Variants in PICK1 observed in about 807,000 individuals in gnomAD.
PICK1 encodes the protein PRKCA-binding protein.
Under a neutral mutation model 48.9 loss-of-function variants are expected in PICK1, and 23 were observed. The observed-to-expected ratio is 0.47, with a 90% CI of 0.34 to 0.67. PICK1 has a LOEUF of 0.67. Among genes scored for constraint, PICK1 ranks in the 30% least tolerant of loss-of-function variants. PICK1 has a pLI of 0.01. For missense variants in PICK1, 423 were observed against 557.1 expected (o/e 0.76, Z 2.42); for synonymous variants, 217 against 228.2 (o/e 0.95, Z 0.44).
At chr22:38,058,714 C>G (rs549481479) in intron 2 of PICK1, among the ~76,000 whole-genome samples, 10 of 152,254 alleles carry the variant, frequency 6.6e-5, no homozygotes, top group Admixed American at 1.3e-4. Flanking sequence ...TTACCCAAGT[C>G]CCATAGCTGG....
Position 38,059,216 on chromosome 22 carries a change from G to C in PICK1, c.42-18G>C. 1.9e-6 allele frequency: 3 copies of C among 1,548,698 alleles called. No individual in the cohort carries two copies. The highest frequency in any genetic ancestry group is 2.6e-6 in the Non-Finnish European group (3 of 1,141,118). On this transcript the variant is annotated intron_variant, in intron 2 of 12. Coordinates refer to ENST00000356976, the MANE Select transcript of PICK1 (RefSeq NM_012407.4). The stretch of plus-strand genomic sequence containing the variant: ...TCCTTCTGCCAGGAGAGTCAGCCTA[G>C]CTTGCTTTCCTTTCTAGCGGAATCC...
intron 4 of PICK1, chr22:38,067,388 C>G (rs2085554874): frequency 2.8e-6 from 1 of 360,320 alleles, no homozygotes; most frequent in Non-Finnish European, 5.4e-6. Context: ...CAGCTCACTG[C>G]AACCTCCGCC....
rs1601960609 is a variant in PICK1 at position 38,074,173 on chromosome 22, T to C, written c.835-134T>C. ...TGGTTTTTTCCTCTCTTCAAAGCTA[T>C]CACTGAGTGCTTCTGAGAAACACTG... On this transcript the variant is annotated intron_variant, in intron 11 of 12. Coordinates refer to ENST00000356976, the MANE Select transcript of PICK1 (RefSeq NM_012407.4). The surrounding 1 kb of genome is among the most constrained non-coding windows in gnomAD (Gnocchi z 4.5). 3.5e-5 allele frequency: 38 copies of C among 1,094,810 alleles called. No individual in the cohort carries two copies. The highest frequency in any genetic ancestry group is 5.0e-5 in the Non-Finnish European group (37 of 744,548). 67.8% of individuals were successfully genotyped at this position (1,094,810 alleles called of 1,614,324 possible).
chr22:38,069,440 C>T (rs1046441436), intron 6 of PICK1, among the ~76,000 whole-genome samples: 1 of 152,226 alleles, frequency 6.6e-6, no homozygotes, highest in African/African-American at 2.4e-5. Context: ...CGGCCCACCT[C>T]CTGCCTCCTT....
chr22:38,072,451 GC>G, intron 8 of PICK1, 25 bp from the exon 9 acceptor site: 1 of 1,607,920 alleles, frequency 6.2e-7, no homozygotes, highest in Non-Finnish European at 8.5e-7. Context: ...AGTAGGGGCA[GC>G]CTTCAAGGCA....
chr22:38,074,861 C>A lies in PICK1; in HGVS notation c.980-3C>A, dbSNP rs991098116. ...CAGCCTGTCCCCCGACCTCCCACCCCAGTCCAGGACATCGTGTTCCAGCTG... is the reference window on the plus strand; with the variant it reads ...CAGCCTGTCCCCCGACCTCCCACCCAAGTCCAGGACATCGTGTTCCAGCTG... On this transcript the variant is annotated splice_polypyrimidine_tract_variant and splice_region_variant and intron_variant, in intron 12 of 12. Coordinates refer to ENST00000356976, the MANE Select transcript of PICK1 (RefSeq NM_012407.4). The surrounding 1 kb of genome is among the most constrained non-coding windows in gnomAD (Gnocchi z 4.5). 1.9e-6 allele frequency: 3 copies of A among 1,611,252 alleles called. No homozygotes were observed. The highest frequency in any genetic ancestry group is 1.1e-5 in the South Asian group (1 of 91,086).
chr22:38,071,728 G>T lies in PICK1; in HGVS notation c.540G>T (p.Leu180=). The T allele has an allele frequency of 6.2e-7, 1 of 1,613,522 alleles. No individual in the cohort carries two copies. Among genetic ancestry groups the T allele is most frequent in the Non-Finnish European group, 8.5e-7 (1 of 1,179,878 alleles). ...TKNLLRAFYE[L]SQTHRAFGDV... is the part of the protein sequence containing the mutation. ...ACCTCCTACGGGCCTTTTATGAGCTGTCGCAGACTCACCGGGGTAATGGCA... is the reference window on the plus strand; with the variant it reads ...ACCTCCTACGGGCCTTTTATGAGCTTTCGCAGACTCACCGGGGTAATGGCA... Residue 180 remains leucine (L), a synonymous_variant, in exon 8 of 13, where the codon CTG becomes CTT. Coordinates refer to ENST00000356976, the MANE Select transcript of PICK1 (RefSeq NM_012407.4).
chr22:38,067,651 G>A lies in PICK1; in HGVS notation c.283-53G>A, dbSNP rs556918117. ...AGTCCAGAACAGTCTTGGCTGGGAA[G>A]GGGCTCAGGGTGTGGAGCCTCGCTC... On this transcript the variant is annotated intron_variant, in intron 4 of 12. Transcript: ENST00000356976. 7.9e-6 allele frequency: 12 copies of A among 1,517,668 alleles called. No individual in the cohort carries two copies. The East Asian group carries it at 1.6e-4, about 20-fold the overall frequency. The allele number at this position is 1,517,668 out of a possible 1,614,324, so 94.0% of individuals were successfully genotyped here. A position where few individuals can be genotyped will look rare whatever the true frequency, so the allele number is the denominator to read the frequency against.
intron 4 of PICK1, among the ~76,000 whole-genome samples, chr22:38,067,307 CTT>C (rs33993578): frequency 1.4e-4 from 15 of 110,668 alleles, no homozygotes; most frequent in Non-Finnish European, 1.6e-4. Flanking sequence ...GCTTAGGATT[CTT>C]TTTTTTTTTT....
rs1470677873 is a variant in PICK1, at chr22:38,075,216, G to C, written c.*84G>C. On this transcript the variant is annotated 3_prime_UTR_variant, in exon 13 of 13. Transcript: ENST00000356976. Reference sequence around the variant, plus strand: ...GGGCGGGGCCGCCGCGCAAGGGGGCGACGCATAAAGGCCTGCTGGCTTGGG... The same window carrying C: ...GGGCGGGGCCGCCGCGCAAGGGGGCCACGCATAAAGGCCTGCTGGCTTGGG... The C allele has an allele frequency of 7.4e-7, 1 of 1,354,968 alleles. No individual in the cohort carries two copies. The highest frequency in any genetic ancestry group is 1.0e-6 in the Non-Finnish European group (1 of 1,001,400). 83.9% of individuals were successfully genotyped at this position (1,354,968 alleles called of 1,614,324 possible).
rs912375749 is a variant in PICK1, at chr22:38,066,882, G to A, written c.283-822G>A. The stretch of plus-strand genomic sequence containing the variant: ...AGAAGCCTTTGTCTCCTGAGCAGTC[G>A]TTAGAAAGTGGTTTGTGTAATTCCC... On this transcript the variant is annotated intron_variant, in intron 4 of 12. Transcript: ENST00000356976. This position sits in a 1 kb window ranked among gnomAD's most constrained non-coding sequence, Gnocchi z 4.1. Among the ~76,000 whole-genome samples, 1 of 152,238 alleles carries A rather than the reference G, an allele frequency of 6.6e-6. No homozygotes were observed. Among genetic ancestry groups the A allele is most frequent in the African/African-American group, 2.4e-5 (1 of 41,464 alleles).
chr22:38,060,998 C>T (rs2085387220), intron 3 of PICK1, among the ~76,000 whole-genome samples: 1 of 152,022 alleles, frequency 6.6e-6, no homozygotes, highest in African/African-American at 2.4e-5. Context: ...ATCCACCCAC[C>T]TCAGCCTCCC....
rs200814030 is a variant in PICK1 at position 38,071,668 on chromosome 22, G to A, written c.494-14G>A. ...CATGCGTCCCCATTCCGCATCACTC[G>A]GTCTCTCCCACAGGGATGACGGAAC... On this transcript the variant is annotated splice_polypyrimidine_tract_variant and intron_variant, in intron 7 of 12. Coordinates refer to ENST00000356976, the MANE Select transcript of PICK1 (RefSeq NM_012407.4). 2.2e-5 allele frequency: 36 copies of A among 1,612,520 alleles called. No homozygotes were observed. The highest frequency in any genetic ancestry group is 1.2e-4 in the African/African-American group (9 of 75,026).
intron 4 of PICK1, 171 bp from the exon 5 acceptor site, chr22:38,067,533 T>G (rs1175941022): frequency 3.1e-6 from 2 of 643,860 alleles, no homozygotes; most frequent in African/African-American, 3.6e-5. Context: ...GGTCTCAAAC[T>G]CCTGACCTCA....
At chr22:38,064,936 G>A (rs969625444) in intron 3 of PICK1, 66 bp from the exon 4 acceptor site, 3 of 1,579,988 alleles carry the variant, frequency 1.9e-6, no homozygotes, top group Non-Finnish European at 2.6e-6. Flanking sequence ...CAGTGGTCAG[G>A]TGTCTTCCCA....
chr22:38,074,040 A>G lies in PICK1; in HGVS notation c.834+217A>G. Reference sequence around the variant, plus strand: ...CTCAGTCTGGGGGACTCTTGGAGGGAAATCGGATTTTCTTCACTCCTATGA... The same window carrying G: ...CTCAGTCTGGGGGACTCTTGGAGGGGAATCGGATTTTCTTCACTCCTATGA... On this transcript the variant is annotated intron_variant, in intron 11 of 12. Transcript: ENST00000356976. This position sits in a 1 kb window ranked among gnomAD's most constrained non-coding sequence, Gnocchi z 4.5. 1.6e-6 allele frequency: 1 copy of G among 634,812 alleles called. No individual in the cohort carries two copies. Among genetic ancestry groups the G allele is most frequent in the Non-Finnish European group, 2.7e-6 (1 of 365,034 alleles). 39.3% of individuals were successfully genotyped at this position (634,812 alleles called of 1,614,324 possible).
At chr22:38,063,048 A>G (rs943177788) in intron 3 of PICK1, among the ~76,000 whole-genome samples, 6 of 152,184 alleles carry the variant, frequency 3.9e-5, no homozygotes, top group African/African-American at 1.4e-4. Context: ...AGAGGGCGTC[A>G]TCGGGAACAC....
chr22:38,074,544 G>C lies in PICK1; in HGVS notation c.979+93G>C. On this transcript the variant is annotated intron_variant, in intron 12 of 12. Transcript: ENST00000356976. This position sits in a 1 kb window ranked among gnomAD's most constrained non-coding sequence, Gnocchi z 4.5. Reference sequence around the variant, plus strand: ...ACTCTCAGGGCCAGGCCACGGCCCAGATGTAAAGCCCCTCCAGGAGCCCAG... The same window carrying C: ...ACTCTCAGGGCCAGGCCACGGCCCACATGTAAAGCCCCTCCAGGAGCCCAG... 6.6e-7 allele frequency: 1 copy of C among 1,521,022 alleles called. No homozygotes were observed. The highest frequency in any genetic ancestry group is 2.4e-5 in the East Asian group (1 of 41,558). 94.2% of individuals were successfully genotyped at this position (1,521,022 alleles called of 1,614,324 possible). A position where few individuals can be genotyped will look rare whatever the true frequency, so the allele number is the denominator to read the frequency against.
In PICK1 at chr22:38,074,967, G is replaced by A; in HGVS notation, c.1083G>A (p.Glu361=). Residue 361 remains glutamate, a synonymous_variant, in exon 13 of 13, where the codon GAG becomes GAA. Transcript: ENST00000356976. This position sits in a 1 kb window ranked among gnomAD's most constrained non-coding sequence, Gnocchi z 4.5. ...GGGATGCCGACGTCTTCCCCATCGA[G>A]GTAGACCTGGCGCACACCACATTGG... ...VLRDADVFPI[E]VDLAHTTLAY... is the part of the protein sequence containing the mutation. 1 of 1,613,766 alleles carries A rather than the reference G, an allele frequency of 6.2e-7. No homozygotes were observed. The highest frequency in any genetic ancestry group is 8.5e-7 in the Non-Finnish European group (1 of 1,180,038).
Sources: allele counts gnomAD v4.1 joint callset (sites outside exome capture counted in the v4.1 genomes callset), GRCh38; gene constraint gnomAD v4.1.1; non-coding constraint Gnocchi (gnomAD v3.1); transcripts MANE v1.5; gene names NCBI Gene and HGNC (gene_info 2026-07-23, HGNC 2026-07-21).